KDM4C: variants seen among roughly 807,000 people sequenced by gnomAD.
KDM4C encodes the protein lysine-specific demethylase 4C.
Under a neutral mutation model 129.3 loss-of-function variants are expected in KDM4C, and 81 were observed. The ratio of observed to expected loss-of-function variants is 0.63; its 90% CI spans 0.52 to 0.75. KDM4C has a LOEUF of 0.75. Among genes scored for constraint, KDM4C ranks in the 30% least tolerant of loss-of-function variants. KDM4C has a pLI of 0.00. For missense variants in KDM4C, 1,457 were observed against 1,304.0 expected (o/e 1.12, Z -1.81); for synonymous variants, 573 against 456.1 (o/e 1.26, Z -3.26).
intron 1 of KDM4C, among the ~76,000 whole-genome samples, chr9:6,773,329 A>T (rs1364263533): frequency 6.6e-6 from 1 of 152,188 alleles, no homozygotes; most frequent in Non-Finnish European, 1.5e-5. Context: ...ACCATTTTTT[A>T]AAAAACGAAA....
At chr9:6,782,224 C>T (rs1037167429) in intron 1 of KDM4C, among the ~76,000 whole-genome samples, 1 of 152,074 alleles carries the variant, frequency 6.6e-6, no homozygotes, top group African/African-American at 2.4e-5. Flanking sequence ...TTAAAAAGGA[C>T]GTTGTCAGTT....
chr9:7,163,595 A>G (rs1844040080), intron 19 of KDM4C, among the ~76,000 whole-genome samples: 1 of 152,072 alleles, frequency 6.6e-6, no homozygotes, highest in Admixed American at 6.5e-5. Flanking sequence ...GCTCAGAGGA[A>G]TCCAGAGCTG....
intron 1 of KDM4C, among the ~76,000 whole-genome samples, chr9:6,782,292 A>G (rs958182437): frequency 6.6e-6 from 1 of 152,170 alleles, no homozygotes; most frequent in Non-Finnish European, 1.5e-5. Context: ...GATAAAGTTG[A>G]AAGATGAGTT....
chr9:6,748,080 C>A (rs1817938858), intron 1 of KDM4C, among the ~76,000 whole-genome samples: 1 of 151,706 alleles, frequency 6.6e-6, no homozygotes, highest in Non-Finnish European at 1.5e-5. Flanking sequence ...GCAGGGGAAT[C>A]ACCTTAATCC....
intron 8 of KDM4C, among the ~76,000 whole-genome samples, chr9:6,949,613 C>T (rs1827725743): frequency 6.6e-6 from 1 of 152,238 alleles, no homozygotes; most frequent in South Asian, 2.1e-4. Flanking sequence ...CCGAGGCTGG[C>T]AGATCACTCG....
chr9:7,006,300 C>A (rs975622312), intron 12 of KDM4C, among the ~76,000 whole-genome samples: 2 of 152,142 alleles, frequency 1.3e-5, no homozygotes, highest in African/African-American at 4.8e-5. Flanking sequence ...ATTAATGGGG[C>A]CTCCCCTTCT....
rs1175518628 is a variant in KDM4C at position 7,011,906 on chromosome 9, C to T, written c.1968+27C>T. The T allele has an allele frequency of 2.5e-6, 4 of 1,578,626 alleles. No homozygotes were observed. In the African/African-American group the frequency reaches 4.0e-5, roughly 16 times the overall value. Reference sequence around the variant, plus strand: ...TAAAGGAGCCTGCTATCATAGTTCCCTTCACTGCTCTGCCTTCCATGTGAC... The same window carrying T: ...TAAAGGAGCCTGCTATCATAGTTCCTTTCACTGCTCTGCCTTCCATGTGAC... On this transcript the variant is annotated intron_variant, in intron 13 of 21. Transcript: ENST00000381309.
At chr9:6,920,770 C>T (rs981547993) in intron 8 of KDM4C, among the ~76,000 whole-genome samples, 1 of 152,044 alleles carries the variant, frequency 6.6e-6, no homozygotes, top group Non-Finnish European at 1.5e-5. Flanking sequence ...GAAAGAAAAA[C>T]ATTTGTTCTG....
At chr9:7,096,945 A>G (rs1422334389) in intron 17 of KDM4C, among the ~76,000 whole-genome samples, 1 of 152,178 alleles carries the variant, frequency 6.6e-6, no homozygotes, top group Admixed American at 6.5e-5. Flanking sequence ...AGTACAGTCC[A>G]AGGCCTTTCA....
At position 6,790,197 on chromosome 9, in the gene KDM4C, C is replaced by T. The variant is rs1012628833; in HGVS notation, c.-17-2775C>T. On this transcript the variant is annotated intron_variant, in intron 1 of 21. Transcript: ENST00000381309. Reference sequence around the variant, plus strand: ...GGGATTACAGGCGTGAGCCACCGCGCCTGGCCAAACTTTCTTTAAACAAAT... The same window carrying T: ...GGGATTACAGGCGTGAGCCACCGCGTCTGGCCAAACTTTCTTTAAACAAAT... Among the ~76,000 whole-genome samples the T allele has an allele frequency of 4.0e-5, 6 of 151,388 alleles. No individual in the cohort carries two copies. In the South Asian group the frequency reaches 1.3e-3, roughly 32 times the overall value.
chr9:6,984,057 T>A (rs997147967), intron 9 of KDM4C, 109 bp from the exon 10 acceptor site: 1 of 685,208 alleles, frequency 1.5e-6, no homozygotes, highest in South Asian at 1.8e-5. Context: ...TGATTAACAA[T>A]GTCAGTTGTT....
At chr9:6,904,123 C>T (rs938573746) in intron 8 of KDM4C, among the ~76,000 whole-genome samples, 15 of 151,952 alleles carry the variant, frequency 9.9e-5, no homozygotes, top group African/African-American at 2.9e-4. Context: ...CATGTAATCC[C>T]AGCTACTTGG....
At chr9:7,079,296 A>G (rs1834266510) in intron 17 of KDM4C, among the ~76,000 whole-genome samples, 1 of 152,208 alleles carries the variant, frequency 6.6e-6, no homozygotes, top group Non-Finnish European at 1.5e-5. Flanking sequence ...CCCATTATAT[A>G]CATTAATCTC....
chr9:7,041,050 T>C (rs1469716347), intron 15 of KDM4C, among the ~76,000 whole-genome samples: 1 of 151,898 alleles, frequency 6.6e-6, no homozygotes, highest in East Asian at 1.9e-4. Context: ...TAGATCTGTA[T>C]TGGTTTTTAA....
chr9:6,938,438 A>G (rs1363841783), intron 8 of KDM4C, among the ~76,000 whole-genome samples: 1 of 152,232 alleles, frequency 6.6e-6, no homozygotes, highest in Non-Finnish European at 1.5e-5. Context: ...CCTACTGTCC[A>G]AACTCTGGAA....
At chr9:6,779,516 T>G (rs1427295063) in intron 1 of KDM4C, among the ~76,000 whole-genome samples, 1 of 152,186 alleles carries the variant, frequency 6.6e-6, no homozygotes. Context: ...CCACAGCAAC[T>G]TCCTGCTCCC....
intron 6 of KDM4C, among the ~76,000 whole-genome samples, chr9:6,881,611 A>G (rs369150632): frequency 1.8e-4 from 28 of 152,378 alleles, no homozygotes; most frequent in African/African-American, 6.0e-4. Context: ...AATTTCTGAT[A>G]TAAACTTCTA....
chr9:6,847,579 A>T lies in KDM4C; in HGVS notation c.436-1928A>T, dbSNP rs1588669488. Reference sequence around the variant, plus strand: ...CTAATTTTTTGTATTTTTAGTAGAGACAGGGTTTCACCGTGTTAGCCAGGA... The same window carrying T: ...CTAATTTTTTGTATTTTTAGTAGAGTCAGGGTTTCACCGTGTTAGCCAGGA... On this transcript the variant is annotated intron_variant, in intron 4 of 21. Transcript: ENST00000381309. 8.5e-5 allele frequency among the ~76,000 whole-genome samples: 13 copies of T among 152,154 alleles called. No individual in the cohort carries two copies. The South Asian group carries it at 2.7e-3, about 32-fold the overall frequency.
chr9:7,065,511 A>G (rs1186738665), intron 17 of KDM4C, among the ~76,000 whole-genome samples: 1 of 152,148 alleles, frequency 6.6e-6, no homozygotes, highest in Non-Finnish European at 1.5e-5. Context: ...ATGGTCATGA[A>G]ATATTTTTAC....
Sources: allele counts gnomAD v4.1 joint callset (sites outside exome capture counted in the v4.1 genomes callset), GRCh38; gene constraint gnomAD v4.1.1; transcripts MANE v1.5; gene names NCBI Gene and HGNC (gene_info 2026-07-23, HGNC 2026-07-21).